Variants in NIPAL3 observed in about 807,000 individuals in gnomAD.
NIPAL3 encodes NIPA like domain containing 3.
Under a neutral mutation model 47.2 loss-of-function variants are expected in NIPAL3, and 41 were observed. That is an observed-to-expected ratio of 0.87 (90% CI 0.68 to 1.13). The LOEUF (loss-of-function observed/expected upper bound fraction) is 1.13, where lower values mean the gene tolerates loss of function less well. Among genes scored for constraint, NIPAL3 ranks in the 50% most tolerant of loss-of-function variants. The pLI is 0.00. For synonymous variants in NIPAL3, 194 were observed against 209.6 expected, an observed-to-expected ratio of 0.93 and a Z score of 0.64; for missense variants, 449 against 530.1, an observed-to-expected ratio of 0.85 and a Z score of 1.50.
chr1:24,461,621 C>G (rs1160331220), intron 10 of NIPAL3, among the ~76,000 whole-genome samples: 2 of 151,462 alleles, frequency 1.3e-5, no homozygotes, highest in African/African-American at 4.9e-5. Context: ...AATTCCAGCA[C>G]TTTGGGAGGC....
At chr1:24,437,690 C>T (rs761431504) in intron 2 of NIPAL3, among the ~76,000 whole-genome samples, 3 of 152,148 alleles carry the variant, frequency 2.0e-5, no homozygotes, top group Non-Finnish European at 2.9e-5. Context: ...AACCTTTCTT[C>T]AGCCTTTGTG....
chr1:24,464,242 C>CT (rs754638951), intron 11 of NIPAL3, 122 bp downstream of exon 11: 1 of 702,056 alleles, frequency 1.4e-6, no homozygotes, highest in Non-Finnish European at 2.2e-6. Flanking sequence ...CTCTCACTGT[C>CT]TTTTTTCTTT....
intron 8 of NIPAL3, 134 bp downstream of exon 8, chr1:24,456,407 G>T: frequency 7.9e-7 from 1 of 1,271,344 alleles, no homozygotes; most frequent in Non-Finnish European, 1.1e-6. Flanking sequence ...CATGGAGAGA[G>T]GAGCTGCTAA....
At chr1:24,414,382 T>A (rs1430506343), upstream of NIPAL3, 3 of 135,840 alleles carry the variant, frequency 2.2e-5, no homozygotes, top group Non-Finnish European at 3.2e-5. Context: ...AAAAAAAAAA[T>A]TGACATGGGC....
upstream of NIPAL3, chr1:24,413,643 G>C (rs541090385): frequency 1.3e-5 from 2 of 152,246 alleles, no homozygotes; most frequent in Non-Finnish European, 2.9e-5. Flanking sequence ...CGACCTCAGG[G>C]ACCGGTCCCC....
intron 5 of NIPAL3, among the ~76,000 whole-genome samples, chr1:24,446,489 C>T (rs761984856): frequency 2.7e-5 from 4 of 149,092 alleles, no homozygotes; most frequent in Admixed American, 1.3e-4. Context: ...CATGTGTTCT[C>T]ATCATTCAGC....
In NIPAL3 at chr1:24,459,029, T is replaced by C. The variant is rs1431883670; in HGVS notation, c.862+53T>C. ...GTCTTCTACTTTAGCAGCAGGGTATTATCCCAGGGCAGAGGGAGGCTGATT... is the reference window on the plus strand; with the variant it reads ...GTCTTCTACTTTAGCAGCAGGGTATCATCCCAGGGCAGAGGGAGGCTGATT... On this transcript the variant is annotated intron_variant, in intron 9 of 11. Coordinates refer to ENST00000374399, the MANE Select transcript of NIPAL3 (RefSeq NM_020448.5). 2.0e-6 allele frequency: 3 copies of C among 1,515,664 alleles called. 1 individual carries two copies. The South Asian group carries it at 3.4e-5, about 17-fold the overall frequency. 93.9% of individuals were successfully genotyped at this position (1,515,664 alleles called of 1,614,324 possible). A position where few individuals can be genotyped will look rare whatever the true frequency, so the allele number is the denominator to read the frequency against.
chr1:24,438,700 C>T (rs908554109), intron 2 of NIPAL3, among the ~76,000 whole-genome samples: 2 of 152,300 alleles, frequency 1.3e-5, no homozygotes, highest in East Asian at 1.9e-4. Context: ...TGTTAACTGC[C>T]GATTCCCTAG....
Position 24,464,113 on chromosome 1 carries a change from C to A in NIPAL3, c.1014C>A (p.Ala338=). 6.2e-7 allele frequency: 1 copy of A among 1,612,798 alleles called. No homozygotes were observed. The highest frequency in any genetic ancestry group is 8.5e-7 in the Non-Finnish European group (1 of 1,179,082). Residue 338 remains alanine (A), a synonymous_variant, in exon 11 of 12, where the codon GCC becomes GCA. Transcript: ENST00000374399. The stretch of plus-strand genomic sequence containing the variant: ...TTGAGCCCTATATTTCCATGGATGC[C>A]ATGCCAGGTAAGGTTAAAGCCCCGT... ...IPFEPYISMD[A]MPGMQNMHDK... is the part of the protein sequence containing the mutation.
intron 2 of NIPAL3, 60 bp from the exon 3 acceptor site, chr1:24,440,112 G>A: frequency 1.5e-6 from 2 of 1,334,372 alleles, no homozygotes; most frequent in Non-Finnish European, 2.0e-6. Flanking sequence ...TGTCAGAAGT[G>A]TCCTGGGGCC....
chr1:24,448,433 A>T (rs1169568089), intron 5 of NIPAL3, among the ~76,000 whole-genome samples: 2 of 152,222 alleles, frequency 1.3e-5, no homozygotes, highest in African/African-American at 4.8e-5. Context: ...GATAGTAATT[A>T]TATAGTTATT....
Position 24,449,849 on chromosome 1 carries a change from A to T in NIPAL3, c.540+223A>T, listed in dbSNP as rs917062294. Among the ~76,000 whole-genome samples the T allele has an allele frequency of 2.0e-5, 3 of 152,210 alleles. No homozygotes were observed. The highest frequency in any genetic ancestry group is 4.8e-5 in the African/African-American group (2 of 41,460). On this transcript the variant is annotated intron_variant, in intron 6 of 11. Transcript: ENST00000374399. The surrounding 1 kb of genome is among the most constrained non-coding windows in gnomAD (Gnocchi z 4.5). ...GGTGGGAGTGTAAATTGGTACAGCC[A>T]CTTGGGAAAAACATTTGACACTAAT...
chr1:24,458,476 A>G (rs972896712), intron 8 of NIPAL3, among the ~76,000 whole-genome samples: 1 of 152,196 alleles, frequency 6.6e-6, no homozygotes, highest in Non-Finnish European at 1.5e-5. Flanking sequence ...GTTTAAAAGA[A>G]TAATTATGAC....
intron 8 of NIPAL3, among the ~76,000 whole-genome samples, chr1:24,458,581 G>A (rs1001189065): frequency 6.6e-6 from 1 of 152,022 alleles, no homozygotes; most frequent in African/African-American, 2.4e-5. Context: ...GGGATACGGG[G>A]GGTGAGGAGA....
chr1:24,419,352 G>A lies in NIPAL3; in HGVS notation c.-196G>A. 2.3e-6 allele frequency: 3 copies of A among 1,282,214 alleles called. No individual in the cohort carries two copies. The highest frequency in any genetic ancestry group is 3.0e-6 in the Non-Finnish European group (3 of 1,016,152). The allele number at this position is 1,282,214 out of a possible 1,614,324, so 79.4% of individuals were successfully genotyped here. A position where few individuals can be genotyped will look rare whatever the true frequency, so the allele number is the denominator to read the frequency against. ...CTGCCTGGGAGAGCCACGGAAATTG[G>A]CACTTCTCTGAGTGAAGCTGAGGAG... On this transcript the variant is annotated 5_prime_UTR_variant, in exon 2 of 12. Transcript: ENST00000374399.
intron 4 of NIPAL3, among the ~76,000 whole-genome samples, chr1:24,444,395 A>T (rs1013684093): frequency 6.6e-6 from 1 of 152,098 alleles, no homozygotes; most frequent in Admixed American, 6.5e-5. Flanking sequence ...GAAAAGGAAG[A>T]CCTGATTTGT....
intron 10 of NIPAL3, among the ~76,000 whole-genome samples, 200 bp from the exon 11 acceptor site, chr1:24,463,826 C>A (rs1047665324): frequency 3.9e-5 from 6 of 152,054 alleles, no homozygotes; most frequent in Non-Finnish European, 7.4e-5. Flanking sequence ...TGAGGCCACT[C>A]CAGCTATTGT....
chr1:24,436,745 C>T (rs537283826), intron 2 of NIPAL3, among the ~76,000 whole-genome samples: 60 of 151,978 alleles, frequency 3.9e-4, no homozygotes, highest in African/African-American at 1.4e-3. Flanking sequence ...GTGATTCACC[C>T]GCCTTGGCCT....
Position 24,416,739 on chromosome 1 carries a change from G to A in NIPAL3, c.-258+835G>A, listed in dbSNP as rs1021667593. On this transcript the variant is annotated intron_variant, in intron 1 of 11. Transcript: ENST00000374399. The surrounding 1 kb of genome is among the most constrained non-coding windows in gnomAD (Gnocchi z 4.8). ...CAGGTGAAAAGTATGTGTCTTATAA[G>A]GGAGTACAGCTTGCAAAGGGTTCCT... 2 of 152,224 alleles carry A rather than the reference G, an allele frequency of 1.3e-5. No homozygotes were observed. Among genetic ancestry groups the A allele is most frequent in the African/African-American group, 4.8e-5 (2 of 41,446 alleles). 9.4% of individuals were successfully genotyped at this position (152,224 alleles called of 1,614,324 possible).
Sources: allele counts gnomAD v4.1 joint callset (sites outside exome capture counted in the v4.1 genomes callset), GRCh38; gene constraint gnomAD v4.1.1; non-coding constraint Gnocchi (gnomAD v3.1); transcripts MANE v1.5; gene names NCBI Gene and HGNC (gene_info 2026-07-23, HGNC 2026-07-21).